ATP8B4: variants seen among roughly 807,000 people sequenced by gnomAD.
The protein encoded by ATP8B4 is probable phospholipid-transporting ATPase IM.
Under a neutral mutation model 145.6 loss-of-function variants are expected in ATP8B4, and 133 were observed. The ratio of observed to expected loss-of-function variants is 0.91; its 90% CI spans 0.79 to 1.05. The LOEUF is 1.05. ATP8B4 is among the 50% of genes least tolerant of loss of function. The pLI, the probability that ATP8B4 is intolerant of heterozygous loss-of-function variation, is 0.00. For synonymous variants in ATP8B4, 507 were observed against 492.9 expected (o/e 1.03, Z -0.38); for missense variants, 1,458 against 1,425.2 (o/e 1.02, Z -0.37).
At chr15:50,011,638 T>C (rs186416055) in intron 6 of ATP8B4, among the ~76,000 whole-genome samples, 1 of 152,310 alleles carries the variant, frequency 6.6e-6, no homozygotes, top group African/African-American at 2.4e-5. Context: ...GTCCATTGAA[T>C]TTGGCCCCTG....
intron 9 of ATP8B4, among the ~76,000 whole-genome samples, chr15:49,990,794 C>G (rs2046986695): frequency 6.6e-6 from 1 of 152,154 alleles, no homozygotes; most frequent in Admixed American, 6.6e-5. Context: ...ATTATCTGTA[C>G]TGCAACTCTT....
At chr15:50,144,399 G>T (rs1170506193) in intron 1 of ATP8B4, among the ~76,000 whole-genome samples, 2 of 152,200 alleles carry the variant, frequency 1.3e-5, no homozygotes, top group African/African-American at 4.8e-5. Context: ...AGGTTTGATT[G>T]ACTCACAGTT....
Position 49,898,160 on chromosome 15 carries a change from T to C in ATP8B4, c.2381A>G (p.Gln794Arg), listed in dbSNP as rs747135303. 3 of 1,613,988 alleles carry C rather than the reference T, an allele frequency of 1.9e-6. No homozygotes were observed. Among genetic ancestry groups the C allele is most frequent in the Admixed American group, 1.7e-5 (1 of 59,994 alleles). Residue 794 changes from glutamine to arginine, a missense_variant, in exon 22 of 28, where the codon CAG becomes CGG. Transcript: ENST00000284509. ...CACCAGCTCTACCACTTGGGCTTTC[T>C]GGAGTGGAGTGACCCTGCAGCAAAT... ...TVICCRVTPL[Q>R]KAQVVELVKK...
intron 1 of ATP8B4, among the ~76,000 whole-genome samples, chr15:50,146,632 G>C (rs2044280654): frequency 6.6e-6 from 1 of 152,202 alleles, no homozygotes; most frequent in Admixed American, 6.5e-5. Flanking sequence ...GATCTTGCTG[G>C]TGTTGCAGGA....
intron 2 of ATP8B4, among the ~76,000 whole-genome samples, chr15:50,105,502 T>C (rs2056631254): frequency 6.6e-6 from 1 of 152,126 alleles, no homozygotes; most frequent in South Asian, 2.1e-4. Context: ...TTTAAAGACA[T>C]AAAAGATGTC....
At chr15:50,165,045 CT>C (rs917583394) in intron 1 of ATP8B4, among the ~76,000 whole-genome samples, 3 of 150,950 alleles carry the variant, frequency 2.0e-5, no homozygotes, top group African/African-American at 4.9e-5. Flanking sequence ...TACCTCTTTC[CT>C]TTTTTTTTCT....
chr15:49,968,393 G>T (rs914439536), intron 13 of ATP8B4, among the ~76,000 whole-genome samples: 1 of 150,964 alleles, frequency 6.6e-6, no homozygotes, highest in African/African-American at 2.5e-5. Context: ...CATGTGCAAA[G>T]ACACACATAG....
chr15:49,953,780 G>A (rs939607996), intron 14 of ATP8B4, among the ~76,000 whole-genome samples: 1 of 152,230 alleles, frequency 6.6e-6, no homozygotes, highest in Non-Finnish European at 1.5e-5. Flanking sequence ...CTGAGAATGT[G>A]CACATTCCGG....
At position 49,918,902 on chromosome 15, in the gene ATP8B4, C is replaced by G; in HGVS notation, c.1972G>C (p.Glu658Gln). ...GCTAGTGATAAACTTGTAACTGTTT[C>G]AATAACACCCTCCTGTAACTTATCT... ...VEDKLQEGVI[E>Q]TVTSLSLANI... Residue 658 changes from glutamate to glutamine, a missense_variant, in exon 19 of 28, where the codon GAA (glutamate) becomes CAA (glutamine). By Grantham distance (29) the Glu-to-Gln change is conservative (BLOSUM62 2). Transcript: ENST00000284509. 5.6e-6 allele frequency: 9 copies of G among 1,613,824 alleles called. No individual in the cohort carries two copies. The highest frequency in any genetic ancestry group is 7.6e-6 in the Non-Finnish European group (9 of 1,179,812).
intron 1 of ATP8B4, among the ~76,000 whole-genome samples, chr15:50,137,192 T>C (rs1219028715): frequency 6.6e-6 from 1 of 152,254 alleles, no homozygotes; most frequent in Non-Finnish European, 1.5e-5. Context: ...TCACTCTCTT[T>C]ACATTCCATT....
chr15:49,931,027 C>T, intron 16 of ATP8B4, 92 bp downstream of exon 16: 1 of 1,378,466 alleles, frequency 7.3e-7, no homozygotes, highest in Non-Finnish European at 9.9e-7. Context: ...TATCACAACC[C>T]TCAGCACATA....
chr15:49,920,309 A>G lies in ATP8B4; in HGVS notation c.1860T>C (p.Ala620=), dbSNP rs751222161. ...TTCGTTCATCCCTCTCTTCTGTGGC[A>G]GCATTCGCATCTTCAAGCATCTTAT... ...EWHKMLEDAN[A]ATEERDERIA... The change falls in exon 18 of 28, where the codon GCT becomes GCC. Residue 620 remains alanine (A), a synonymous_variant. Coordinates refer to ENST00000284509, the MANE Select transcript of ATP8B4 (RefSeq NM_024837.4). 6.2e-7 allele frequency: 1 copy of G among 1,614,156 alleles called. No homozygotes were observed. Among genetic ancestry groups the G allele is most frequent in the Non-Finnish European group, 8.5e-7 (1 of 1,180,018 alleles).
At chr15:50,055,755 A>G (rs890474305) in intron 3 of ATP8B4, among the ~76,000 whole-genome samples, 4 of 152,226 alleles carry the variant, frequency 2.6e-5, no homozygotes, top group African/African-American at 9.6e-5. Context: ...AATAAAAAAC[A>G]AAAAGGGATT....
intron 1 of ATP8B4, among the ~76,000 whole-genome samples, chr15:50,166,490 C>A (rs1372380170): frequency 6.6e-6 from 1 of 152,200 alleles, no homozygotes; most frequent in Non-Finnish European, 1.5e-5. Flanking sequence ...ACTGCCAACC[C>A]TCTACTGGTG....
At chr15:50,049,110 T>C (rs554104347) in intron 3 of ATP8B4, among the ~76,000 whole-genome samples, 29 of 152,352 alleles carry the variant, frequency 1.9e-4, no homozygotes, top group African/African-American at 7.0e-4. Flanking sequence ...CACTCCTCCT[T>C]TGGGGTGTAC....
intron 9 of ATP8B4, among the ~76,000 whole-genome samples, chr15:49,988,972 A>G (rs1010195988): frequency 6.6e-6 from 1 of 152,164 alleles, no homozygotes; most frequent in Non-Finnish European, 1.5e-5. Flanking sequence ...TCCAACCTCC[A>G]CCTGTCTTTC....
rs1001126810 is a variant in ATP8B4, at chr15:49,919,081, T to C, written c.1924-131A>G. On this transcript the variant is annotated intron_variant, in intron 18 of 27. Coordinates refer to ENST00000284509, the MANE Select transcript of ATP8B4 (RefSeq NM_024837.4). Reference sequence around the variant, plus strand: ...AGACAGAAATTATGATACATTGATATAGCAGGCATCCTATTTTGTGTGAAA... The same window carrying C: ...AGACAGAAATTATGATACATTGATACAGCAGGCATCCTATTTTGTGTGAAA... 2.4e-5 allele frequency: 16 copies of C among 669,900 alleles called. No homozygotes were observed. In the Admixed American group the frequency reaches 3.6e-4, roughly 15 times the overall value. 41.5% of individuals were successfully genotyped at this position (669,900 alleles called of 1,614,324 possible).
At chr15:50,081,447 A>G (rs181754101) in intron 2 of ATP8B4, among the ~76,000 whole-genome samples, 97 of 152,298 alleles carry the variant, frequency 6.4e-4, no homozygotes, top group African/African-American at 2.3e-3. Context: ...TCTTGAAGTA[A>G]TTTTTTTAAT....
chr15:50,173,454 G>A (rs960879434), intron 1 of ATP8B4, among the ~76,000 whole-genome samples: 1 of 152,018 alleles, frequency 6.6e-6, no homozygotes, highest in Non-Finnish European at 1.5e-5. Flanking sequence ...TGGATTAAGG[G>A]CGGTGCAAGA....
Sources: gnomAD v4.1 joint callset for allele counts (sites outside exome capture counted in the v4.1 genomes callset) on GRCh38, gnomAD v4.1.1 for gene constraint, MANE v1.5 for transcripts, NCBI Gene and HGNC (gene_info 2026-07-23, HGNC 2026-07-21) for gene names.